WDR64: variants seen among roughly 807,000 people sequenced by gnomAD.
WDR64 encodes the protein WD repeat-containing protein 64.
In WDR64, 112 loss-of-function variants were observed where a neutral mutation model predicts 139.3. The observed-to-expected ratio is 0.80, with a 90% CI of 0.69 to 0.94. The LOEUF (loss-of-function observed/expected upper bound fraction) is 0.94. Ranked by LOEUF, WDR64 falls within the 40% of genes least tolerant of loss-of-function variation. The pLI is 0.00. For missense variants in WDR64, 1,206 were observed against 1,293.1 expected (o/e 0.93, Z 1.03); for synonymous variants, 444 against 437.7 (o/e 1.01, Z -0.18).
intron 27 of WDR64, 39 bp from the exon 28 acceptor site, chr1:241,801,093 G>C: frequency 6.4e-7 from 1 of 1,554,130 alleles, no homozygotes; most frequent in Non-Finnish European, 8.9e-7. Flanking sequence ...TTTGTCAGTA[G>C]AATGCCAGTT....
rs1049462203 is a variant in WDR64, at chr1:241,773,037, T to C, written c.2430+106T>C. The C allele has an allele frequency of 2.7e-5, 36 of 1,321,286 alleles. No individual in the cohort carries two copies. The Admixed American group carries it at 1.2e-3, about 42-fold the overall frequency. 81.8% of individuals were successfully genotyped at this position (1,321,286 alleles called of 1,614,324 possible). A position where few individuals can be genotyped will look rare whatever the true frequency, so the allele number is the denominator to read the frequency against. On this transcript the variant is annotated intron_variant, in intron 20 of 27. Coordinates refer to ENST00000437684, the MANE Select transcript of WDR64 (RefSeq NM_001367482.1). ...CATATGGCATCCAATTATAATATTTTTTCAACTTTCTAGCCAAATTGCTGA... is the reference window on the plus strand; with the variant it reads ...CATATGGCATCCAATTATAATATTTCTTCAACTTTCTAGCCAAATTGCTGA...
At chr1:241,799,148 T>C (rs938688673) in intron 27 of WDR64, among the ~76,000 whole-genome samples, 1 of 130,020 alleles carries the variant, frequency 7.7e-6, no homozygotes, top group African/African-American at 2.8e-5. Flanking sequence ...GTTGAACTGA[T>C]TGAACCCAGG....
At chr1:241,689,931 A>T (rs1667150086) in intron 8 of WDR64, among the ~76,000 whole-genome samples, 1 of 152,086 alleles carries the variant, frequency 6.6e-6, no homozygotes, top group South Asian at 2.1e-4. Flanking sequence ...AAAACAAAAA[A>T]AACCATAGGA....
rs1658491003 is a variant in WDR64 at position 241,772,451 on chromosome 1, C to CCTTTTTTTTTT, written c.2291-341_2291-340insCTTTTTTTTTT. ...AGTATTGCAAATTCCAAGATAGATC[C>CCTTTTTTTTTT]TTTTTTTTTTTTTTTTTTTTTTTTT... On this transcript the variant is annotated intron_variant, in intron 19 of 27. Coordinates refer to ENST00000437684, the MANE Select transcript of WDR64 (RefSeq NM_001367482.1). 5.1e-5 allele frequency among the ~76,000 whole-genome samples: 3 copies of CCTTTTTTTTTT among 59,020 alleles called. 1 individual carries two copies. The South Asian group carries it at 3.0e-3, about 60-fold the overall frequency. The allele number at this position is 59,020 out of a possible 152,430, so 38.7% of individuals were successfully genotyped here. A position where few individuals can be genotyped will look rare whatever the true frequency, so the allele number is the denominator to read the frequency against.
intron 27 of WDR64, among the ~76,000 whole-genome samples, chr1:241,797,246 C>T (rs1056906536): frequency 6.6e-6 from 1 of 152,162 alleles, no homozygotes; most frequent in Admixed American, 6.6e-5. Context: ...TACCAAAGAT[C>T]ACATACAAAT....
intron 16 of WDR64, 139 bp downstream of exon 16, chr1:241,766,490 C>T (rs1183648584): frequency 1.1e-6 from 1 of 946,994 alleles, no homozygotes; most frequent in Non-Finnish European, 1.5e-6. Flanking sequence ...CACTTAAGGC[C>T]AGGAGTTCGA....
chr1:241,800,447 A>C (rs576817748), intron 27 of WDR64, among the ~76,000 whole-genome samples: 3 of 152,206 alleles, frequency 2.0e-5, no homozygotes, highest in Non-Finnish European at 4.4e-5. Flanking sequence ...AATTAGTTTA[A>C]ATTTTTATAC....
At chr1:241,653,705 GGC>G in intron 1 of WDR64, among the ~76,000 whole-genome samples, 1 of 151,524 alleles carries the variant, frequency 6.6e-6, no homozygotes, top group South Asian at 2.1e-4. Flanking sequence ...CACCACACCC[GGC>G]TAATTTTTTG....
chr1:241,736,450 G>A (rs556175699), intron 10 of WDR64, among the ~76,000 whole-genome samples: 1 of 149,410 alleles, frequency 6.7e-6, no homozygotes, highest in Admixed American at 6.7e-5. Flanking sequence ...GAGTTAGCTA[G>A]ATAGAGAAGG....
chr1:241,794,514 T>TG (rs1434646242), intron 25 of WDR64, among the ~76,000 whole-genome samples: 1 of 142,034 alleles, frequency 7.0e-6, no homozygotes, highest in Admixed American at 7.1e-5. Flanking sequence ...GTTTTTTTTT[T>TG]TTTTTTTTTT....
At chr1:241,738,141 C>A (rs1160820270) in intron 10 of WDR64, among the ~76,000 whole-genome samples, 1 of 146,078 alleles carries the variant, frequency 6.8e-6, no homozygotes, top group Admixed American at 7.0e-5. Context: ...AAAGGTATAC[C>A]TTTAAGCAAA....
chr1:241,782,796 C>A (rs1347190387), intron 22 of WDR64, among the ~76,000 whole-genome samples: 1 of 152,058 alleles, frequency 6.6e-6, no homozygotes, highest in Non-Finnish European at 1.5e-5. Flanking sequence ...ACCCCATACT[C>A]CCCCCAAAAG....
chr1:241,729,021 C>G (rs74664801), intron 10 of WDR64, among the ~76,000 whole-genome samples: 10,953 of 152,208 alleles, frequency 0.072, 632 homozygotes, highest in East Asian at 0.25. Flanking sequence ...ATTCTGCCTA[C>G]CTAAAACTGA....
intron 15 of WDR64, among the ~76,000 whole-genome samples, chr1:241,758,152 C>T (rs542193886): frequency 7.9e-5 from 12 of 152,146 alleles, no homozygotes; most frequent in Non-Finnish European, 1.0e-4. Flanking sequence ...GCTGATTGCA[C>T]CCTCATGGTG....
At chr1:241,722,333 A>C (rs1314227174) in intron 9 of WDR64, among the ~76,000 whole-genome samples, 1 of 152,226 alleles carries the variant, frequency 6.6e-6, no homozygotes, top group African/African-American at 2.4e-5. Flanking sequence ...CTTGGGATTT[A>C]GTACAGCCAT....
At chr1:241,681,563 G>A (rs552020157) in intron 6 of WDR64, among the ~76,000 whole-genome samples, 2 of 152,158 alleles carry the variant, frequency 1.3e-5, no homozygotes, top group Admixed American at 6.5e-5. Context: ...TTGCAATTGC[G>A]AATTGTGCTG....
intron 9 of WDR64, among the ~76,000 whole-genome samples, chr1:241,721,070 G>C (rs1040359758): frequency 6.6e-6 from 1 of 152,162 alleles, no homozygotes; most frequent in African/African-American, 2.4e-5. Flanking sequence ...CCCATTGCTT[G>C]TTTTGGTCAG....
At chr1:241,796,743 C>A (rs1659379672) in intron 27 of WDR64, among the ~76,000 whole-genome samples, 2 of 152,182 alleles carry the variant, frequency 1.3e-5, no homozygotes, top group African/African-American at 4.8e-5. Context: ...ATCCACCCAC[C>A]TCGGCCTCCC....
At position 241,660,623 on chromosome 1, in the gene WDR64, T is replaced by C. The variant is rs1374701342; in HGVS notation, c.239T>C (p.Leu80Pro). The change falls in exon 2 of 28, where the codon CTG becomes CCG. Residue 80 changes from leucine (L) to proline (P), a missense_variant. Leu to Pro is a moderately conservative substitution (Grantham distance 98, BLOSUM62 -3). Coordinates refer to ENST00000437684, the MANE Select transcript of WDR64 (RefSeq NM_001367482.1). Reference sequence around the variant, plus strand: ...GATGTGAAACGCTTTTACAGGAAACTGTGCAACAACACGGATGCATCTGCA... The same window carrying C: ...GATGTGAAACGCTTTTACAGGAAACCGTGCAACAACACGGATGCATCTGCA... ...NQDVKRFYRKLCNNTDASADW... is the reference protein window; with the variant it reads ...NQDVKRFYRKPCNNTDASADW... The C allele has an allele frequency of 6.4e-7, 1 of 1,551,650 alleles. No individual in the cohort carries two copies. Among genetic ancestry groups the C allele is most frequent in the South Asian group, 1.2e-5 (1 of 84,058 alleles).
Sources: gnomAD v4.1 joint callset for allele counts (sites outside exome capture counted in the v4.1 genomes callset) on GRCh38, gnomAD v4.1.1 for gene constraint, MANE v1.5 for transcripts, NCBI Gene and HGNC (gene_info 2026-07-23, HGNC 2026-07-21) for gene names.